RANBP2: variants seen among roughly 807,000 people sequenced by gnomAD.
RANBP2 encodes RAN binding protein 2.
Under a neutral mutation model 303.6 loss-of-function variants are expected in RANBP2, and 57 were observed. The ratio of observed to expected loss-of-function variants is 0.19; its 90% CI spans 0.15 to 0.23. The LOEUF (loss-of-function observed/expected upper bound fraction) is 0.23, where lower values mean the gene tolerates loss of function less well. Ranked by LOEUF, RANBP2 falls within the 10% of genes least tolerant of loss-of-function variation. The probability of loss-of-function intolerance (pLI) is 1.00; values close to 1 mark genes in which losing one functional copy is unlikely to be tolerated. For synonymous variants in RANBP2, 1,167 were observed against 1,301.5 expected, an observed-to-expected ratio of 0.90 and a Z score of 2.23; for missense variants, 3,138 against 3,780.8, an observed-to-expected ratio of 0.83 and a Z score of 4.46.
the RANBP2 span, chr2:109,432,663 C>T: frequency 3.7e-6 from 6 of 1,611,324 alleles, no homozygotes; most frequent in South Asian, 1.1e-5. Flanking sequence ...ACGTGACACC[C>T]GTTTCCAGGT....
the RANBP2 span, among the ~76,000 whole-genome samples, chr2:109,202,766 T>C: frequency 1.3e-5 from 2 of 152,138 alleles, no homozygotes; most frequent in Admixed American, 1.3e-4. Flanking sequence ...TCCCATACTA[T>C]GGAGCTCTTA....
chr2:109,493,247 C>CACACACACTGCAA, the RANBP2 span, among the ~76,000 whole-genome samples: 1 of 151,036 alleles, frequency 6.6e-6, no homozygotes, highest in East Asian at 1.9e-4. Context: ...ACACACGCAC[C>CACACACACTGCAA]ACACACACTG....
chr2:109,475,220 A>C, the RANBP2 span, among the ~76,000 whole-genome samples: 1 of 151,706 alleles, frequency 6.6e-6, no homozygotes, highest in Non-Finnish European at 1.5e-5. Flanking sequence ...CTCGTGATCC[A>C]CCCGCCTCGG....
At chr2:109,017,317 T>A in the RANBP2 span, among the ~76,000 whole-genome samples, 5 of 152,354 alleles carry the variant, frequency 3.3e-5, no homozygotes, top group South Asian at 1.0e-3. Flanking sequence ...TGATTGAAAC[T>A]CTTTGATACG....
chr2:109,362,578 C>G, the RANBP2 span, among the ~76,000 whole-genome samples: 3 of 152,070 alleles, frequency 2.0e-5, no homozygotes, highest in South Asian at 6.2e-4. Flanking sequence ...CAGTTGTATC[C>G]AGTAGATTGA....
the RANBP2 span, among the ~76,000 whole-genome samples, chr2:109,002,247 G>A: frequency 6.6e-6 from 1 of 152,206 alleles, no homozygotes; most frequent in African/African-American, 2.4e-5. Context: ...CCCTGTGCTT[G>A]CTCCTGGAAT....
the RANBP2 span, among the ~76,000 whole-genome samples, chr2:109,425,669 G>C: frequency 3.3e-5 from 5 of 151,224 alleles, no homozygotes; most frequent in African/African-American, 1.2e-4. Context: ...CCTGAATATT[G>C]TAAGTCCATT....
At chr2:109,225,193 A>G in the RANBP2 span, among the ~76,000 whole-genome samples, 404 of 152,252 alleles carry the variant, frequency 2.7e-3, 2 homozygotes, top group African/African-American at 9.3e-3. Flanking sequence ...CTGAGATTCT[A>G]TCTTGCCCCA....
the RANBP2 span, among the ~76,000 whole-genome samples, chr2:109,374,702 C>T: frequency 0.019 from 2,926 of 152,308 alleles, 93 homozygotes; most frequent in African/African-American, 0.061. Context: ...TTCATGCTCA[C>T]GTAAGCTTGG....
At chr2:109,082,230 C>T in the RANBP2 span, among the ~76,000 whole-genome samples, 1 of 152,180 alleles carries the variant, frequency 6.6e-6, no homozygotes, top group Non-Finnish European at 1.5e-5. Flanking sequence ...CAGCTCTGAC[C>T]CAAGGTTAGG....
At chr2:109,189,950 T>C in the RANBP2 span, among the ~76,000 whole-genome samples, 2 of 152,220 alleles carry the variant, frequency 1.3e-5, no homozygotes, top group African/African-American at 4.8e-5. Flanking sequence ...ATGCAAACTC[T>C]GTGTGGAATG....
chr2:109,113,678 A>G, the RANBP2 span, among the ~76,000 whole-genome samples: 1 of 152,226 alleles, frequency 6.6e-6, no homozygotes, highest in Non-Finnish European at 1.5e-5. Context: ...TATGTTGAAT[A>G]GGAGCGGTGA....
At chr2:108,757,800 G>A (rs971570935) in intron 17 of RANBP2, among the ~76,000 whole-genome samples, 51 of 152,198 alleles carry the variant, frequency 3.4e-4, no homozygotes, top group African/African-American at 1.1e-3. Context: ...GGAGGTGAAC[G>A]TCAGAAAGGT....
At chr2:109,286,175 C>A in the RANBP2 span, among the ~76,000 whole-genome samples, 123 of 152,320 alleles carry the variant, frequency 8.1e-4, no homozygotes, top group African/African-American at 2.9e-3. Context: ...TCAAGGATTT[C>A]ATTTCACTTT....
At chr2:109,442,294 G>C in the RANBP2 span, among the ~76,000 whole-genome samples, 1 of 146,750 alleles carries the variant, frequency 6.8e-6, no homozygotes, top group Admixed American at 6.8e-5. Flanking sequence ...CTGGGCAACG[G>C]AGTGAGACTC....
At chr2:109,356,998 G>A in the RANBP2 span, among the ~76,000 whole-genome samples, 1 of 152,076 alleles carries the variant, frequency 6.6e-6, no homozygotes, top group African/African-American at 2.4e-5. Context: ...TGCTAGCACT[G>A]AATGCAACAT....
the RANBP2 span, among the ~76,000 whole-genome samples, chr2:109,687,015 T>A: frequency 6.6e-6 from 1 of 152,240 alleles, no homozygotes; most frequent in African/African-American, 2.4e-5. Context: ...ACATCCTAAA[T>A]ATGCCTATGT....
the RANBP2 span, among the ~76,000 whole-genome samples, chr2:109,453,671 C>T: frequency 3.9e-5 from 6 of 152,154 alleles, no homozygotes; most frequent in African/African-American, 7.2e-5. Flanking sequence ...CGCAGGCACA[C>T]GGTTCATAAT....
At chr2:109,017,077 A>T in the RANBP2 span, among the ~76,000 whole-genome samples, 1 of 152,228 alleles carries the variant, frequency 6.6e-6, no homozygotes, top group Non-Finnish European at 1.5e-5. Flanking sequence ...TGCTGAGCAT[A>T]GTTTCCTCAA....
Sources: gnomAD v4.1 joint callset for allele counts (sites outside exome capture counted in the v4.1 genomes callset) on GRCh38, gnomAD v4.1.1 for gene constraint, MANE v1.5 for transcripts, NCBI Gene and HGNC (gene_info 2026-07-23, HGNC 2026-07-21) for gene names.